The following CEMIP2 variants were observed in gnomAD, a reference collection of about 807,000 sequenced individuals.
CEMIP2 encodes the protein cell surface hyaluronidase CEMIP2.
CEMIP2 carries 79 observed loss-of-function variants against 146.9 expected under a neutral mutation model. That is an observed-to-expected ratio of 0.54 (90% confidence interval 0.45 to 0.65). The LOEUF (loss-of-function observed/expected upper bound fraction) is 0.65. CEMIP2 is among the 30% of genes least tolerant of loss of function. The pLI is 0.00. For missense variants in CEMIP2, 1,596 were observed against 1,696.2 expected, an observed-to-expected ratio of 0.94 and a Z score of 1.04; for synonymous variants, 601 against 606.3, an observed-to-expected ratio of 0.99 and a Z score of 0.13.
chr9:71,725,266 A>AT (rs1391209531), intron 11 of CEMIP2, among the ~76,000 whole-genome samples: 2 of 152,196 alleles, frequency 1.3e-5, no homozygotes, highest in African/African-American at 4.8e-5. Flanking sequence ...GTCATAACGG[A>AT]TTCGCCCTCT....
At chr9:71,716,642 C>G (rs1232074941) in intron 13 of CEMIP2, 90 bp from the exon 14 acceptor site, 1 of 1,117,328 alleles carries the variant, frequency 8.9e-7, no homozygotes, top group African/African-American at 1.6e-5. Flanking sequence ...TCATGAAATC[C>G]AAAAGGTCCC....
At chr9:71,765,110 A>G (rs1232594540) in intron 1 of CEMIP2, among the ~76,000 whole-genome samples, 1 of 152,128 alleles carries the variant, frequency 6.6e-6, no homozygotes, top group African/African-American at 2.4e-5. Flanking sequence ...AAATGAAAAG[A>G]TTTCCTGTGG....
At chr9:71,762,315 G>A (rs192254612) in intron 1 of CEMIP2, among the ~76,000 whole-genome samples, 4 of 152,082 alleles carry the variant, frequency 2.6e-5, no homozygotes, top group Non-Finnish European at 4.4e-5. Flanking sequence ...TCACTTAGCC[G>A]AATAGGGATA....
chr9:71,717,264 T>C (rs947094086), intron 13 of CEMIP2, among the ~76,000 whole-genome samples: 5 of 152,202 alleles, frequency 3.3e-5, no homozygotes, highest in African/African-American at 4.8e-5. Flanking sequence ...TTTATAACTA[T>C]GTTTTAAAAA....
At chr9:71,702,039 C>T (rs978716903) in intron 18 of CEMIP2, among the ~76,000 whole-genome samples, 9 of 152,064 alleles carry the variant, frequency 5.9e-5, no homozygotes, top group Admixed American at 2.0e-4. Context: ...AGGTGGATTA[C>T]TTGAGTGCAT....
intron 1 of CEMIP2, among the ~76,000 whole-genome samples, chr9:71,757,251 T>A (rs1589169147): frequency 6.6e-6 from 1 of 152,326 alleles, no homozygotes; most frequent in East Asian, 1.9e-4. Context: ...TCATTTAAGC[T>A]CTCTCAAATC....
chr9:71,700,542 A>G, intron 19 of CEMIP2, 100 bp downstream of exon 19: 1 of 1,234,862 alleles, frequency 8.1e-7, no homozygotes. Context: ...AATTACCCAC[A>G]TCAGCTGCTT....
At chr9:71,689,828 GA>G (rs1236200441) in intron 22 of CEMIP2, among the ~76,000 whole-genome samples, 1 of 152,128 alleles carries the variant, frequency 6.6e-6, no homozygotes, top group East Asian at 1.9e-4. Context: ...TCCAAATAAT[GA>G]GCTCTTTTCC....
rs374583713 is a variant in CEMIP2, at chr9:71,750,267, C to T, written c.107G>A (p.Arg36His). 25 of 1,613,688 alleles carry T rather than the reference C, an allele frequency of 1.5e-5. No homozygotes were observed. In the African/African-American group the frequency reaches 2.0e-4, roughly 13 times the overall value. The change falls in exon 2 of 24, where the codon CGT (arginine) becomes CAT (histidine). Residue 36 changes from arginine (R) to histidine (H), a missense_variant. Physicochemically the swap from Arg to His is conservative, Grantham distance 29 (BLOSUM62 0). Coordinates refer to ENST00000377044, the MANE Select transcript of CEMIP2 (RefSeq NM_013390.3). ...GYVPGKVVPL[R>H]PPPPPKSQAS... ...TTGACTCTTTGGAGGAGGAGGGGGACGCAATGGGACAACCTTCCCTGGAAC... is the reference window on the plus strand; with the variant it reads ...TTGACTCTTTGGAGGAGGAGGGGGATGCAATGGGACAACCTTCCCTGGAAC...
chr9:71,759,206 T>C (rs1185757972), intron 1 of CEMIP2, among the ~76,000 whole-genome samples: 3 of 152,166 alleles, frequency 2.0e-5, no homozygotes, highest in Non-Finnish European at 4.4e-5. Context: ...TAGACACATA[T>C]AAGTGATATT....
chr9:71,731,914 A>C (rs904082698), intron 7 of CEMIP2, among the ~76,000 whole-genome samples: 6 of 152,088 alleles, frequency 3.9e-5, no homozygotes, highest in African/African-American at 1.4e-4. Flanking sequence ...CCAGAACAAA[A>C]ATTTGCATAC....
At position 71,730,127 on chromosome 9, in the gene CEMIP2, C is replaced by G; in HGVS notation, c.1900G>C (p.Asp634His). ...LTKPGTLLPT[D>H]RNNSMCTTMR... is the part of the protein sequence containing the mutation. ...GTGGTACACATGGAGTTGTTCCTAT[C>G]GGTGGGCAGGAGAGTACCCGGCTTG... The change falls in exon 9 of 24, where the codon GAT becomes CAT. Residue 634 changes from aspartate to histidine, a missense_variant. Physicochemically the swap from Asp to His is moderately conservative, Grantham distance 81 (BLOSUM62 -1). Transcript: ENST00000377044. The G allele has an allele frequency of 6.2e-7, 1 of 1,614,108 alleles. No homozygotes were observed. Among genetic ancestry groups the G allele is most frequent in the Non-Finnish European group, 8.5e-7 (1 of 1,180,036 alleles).
At chr9:71,704,968 G>T in intron 17 of CEMIP2, 165 bp from the exon 18 acceptor site, 3 of 623,876 alleles carry the variant, frequency 4.8e-6, no homozygotes, top group South Asian at 4.0e-5. Flanking sequence ...CACTTATAGT[G>T]CAGCCTACTT....
intron 21 of CEMIP2, among the ~76,000 whole-genome samples, chr9:71,692,001 C>G (rs370007297): frequency 6.6e-6 from 1 of 151,394 alleles, no homozygotes; most frequent in Admixed American, 6.6e-5. Context: ...CCCAGTTACT[C>G]GGGAGGCTGA....
chr9:71,689,748 A>C (rs917828892), intron 22 of CEMIP2, among the ~76,000 whole-genome samples: 1 of 152,222 alleles, frequency 6.6e-6, no homozygotes, highest in African/African-American at 2.4e-5. Flanking sequence ...AATACTAAAA[A>C]GTATAATGCT....
Position 71,750,335 on chromosome 9 carries a change from G to A in CEMIP2, c.39C>T (p.Phe13=), listed in dbSNP as rs144272047. Residue 13 remains phenylalanine, a synonymous_variant, in exon 2 of 24, where the codon TTC becomes TTT. Transcript: ENST00000377044. ...ATDSRGHSPA[F]LQPQNGNSRH... is the part of the protein sequence containing the mutation. ...GACTATTTCCATTCTGAGGTTGGAG[G>A]AAAGCAGGGGAGTGTCCCCTGGAAT... The A allele has an allele frequency of 1.7e-5, 27 of 1,613,656 alleles. No individual in the cohort carries two copies. In the African/African-American group the frequency reaches 2.3e-4, roughly 14 times the overall value.
At chr9:71,743,401 T>C (rs1481769977) in intron 4 of CEMIP2, among the ~76,000 whole-genome samples, 1 of 152,196 alleles carries the variant, frequency 6.6e-6, no homozygotes, top group East Asian at 1.9e-4. Flanking sequence ...TTTTTGGCAC[T>C]TTTTTGCATG....
intron 19 of CEMIP2, chr9:71,699,506 G>C (rs1822497943): frequency 4.9e-6 from 2 of 409,518 alleles, no homozygotes; most frequent in Admixed American, 3.1e-5. Context: ...AAAAATTGGA[G>C]ACAATTATGA....
intron 5 of CEMIP2, among the ~76,000 whole-genome samples, chr9:71,735,778 G>A (rs953399984): frequency 7.2e-5 from 11 of 151,824 alleles, no homozygotes; most frequent in Non-Finnish European, 1.2e-4. Flanking sequence ...GCAAGACCCT[G>A]TCTCAAAAAT....
Sources: allele counts gnomAD v4.1 joint callset (sites outside exome capture counted in the v4.1 genomes callset), GRCh38; gene constraint gnomAD v4.1.1; transcripts MANE v1.5; gene names NCBI Gene and HGNC (gene_info 2026-07-23, HGNC 2026-07-21).